KIAA0040: variants seen among roughly 807,000 people sequenced by gnomAD.
KIAA0040 encodes the protein KIAA0040, also known as uncharacterized protein KIAA0040.
KIAA0040 carries 10 observed loss-of-function variants against 7.2 expected under a neutral mutation model. The observed-to-expected ratio is 1.38, with a 90% CI of 0.85 to 2.34. The LOEUF is 2.34. Ranked by LOEUF, KIAA0040 falls within the 30% of genes most tolerant of loss-of-function variation. The pLI, the probability that KIAA0040 is intolerant of heterozygous loss-of-function variation, is 0.00. For synonymous variants in KIAA0040, 49 were observed against 40.1 expected, an observed-to-expected ratio of 1.22 and a Z score of -0.84; for missense variants, 89 against 108.2, an observed-to-expected ratio of 0.82 and a Z score of 0.79.
chr1:175,185,483 T>C (rs1291801418), intron 1 of KIAA0040, among the ~76,000 whole-genome samples: 1 of 152,248 alleles, frequency 6.6e-6, no homozygotes, highest in Non-Finnish European at 1.5e-5. Context: ...CGAGAGGTAG[T>C]ATTTAATATC....
rs192855255 is a variant in KIAA0040, at chr1:175,163,190, G to A, written c.-133-2044C>T. On this transcript the variant is annotated intron_variant, in intron 3 of 3. Coordinates refer to ENST00000423313, the MANE Select transcript of KIAA0040 (RefSeq NM_014656.3). ...TGTGGAATTAACCCATTTTTGGCAA[G>A]CAGCCCAGGATTTACAGAATCTTAC... Among the ~76,000 whole-genome samples the A allele has an allele frequency of 7.2e-5, 11 of 152,314 alleles. No individual in the cohort carries two copies. The East Asian group carries it at 1.9e-3, about 27-fold the overall frequency.
intron 2 of KIAA0040, among the ~76,000 whole-genome samples, chr1:175,176,669 C>CTGTTTTTTT: frequency 3.6e-5 from 1 of 27,438 alleles, no homozygotes; most frequent in Non-Finnish European, 8.2e-5. Flanking sequence ...AAGTAGCATG[C>CTGTTTTTTT]TTTTTTTTTT....
chr1:175,162,162 G>A (rs1676570257), intron 3 of KIAA0040, among the ~76,000 whole-genome samples: 2 of 152,136 alleles, frequency 1.3e-5, no homozygotes, highest in African/African-American at 4.8e-5. Context: ...TTCCATTCTG[G>A]AATTACAGGT....
At chr1:175,166,072 G>A (rs112865678) in intron 3 of KIAA0040, among the ~76,000 whole-genome samples, 1 of 152,088 alleles carries the variant, frequency 6.6e-6, no homozygotes, top group African/African-American at 2.4e-5. Flanking sequence ...CTTCTTGTAG[G>A]GGGAGGTGGG....
Position 175,160,358 on chromosome 1 carries a change from G to A in KIAA0040, c.*356C>T. On this transcript the variant is annotated 3_prime_UTR_variant, in exon 4 of 4. Coordinates refer to ENST00000423313, the MANE Select transcript of KIAA0040 (RefSeq NM_014656.3). ...CCACGTACCTGCTACCTGAATTTGT[G>A]TGTGTGTGTGTTACGTGCATGTGCA... 4.4e-6 allele frequency: 1 copy of A among 225,726 alleles called. No homozygotes were observed. The highest frequency in any genetic ancestry group is 9.8e-5 in the South Asian group (1 of 10,212). 14.0% of individuals were successfully genotyped at this position (225,726 alleles called of 1,614,324 possible).
intron 2 of KIAA0040, among the ~76,000 whole-genome samples, chr1:175,169,661 A>G (rs1316108826): frequency 6.6e-6 from 1 of 152,122 alleles, no homozygotes; most frequent in Non-Finnish European, 1.5e-5. Context: ...TCTTTTCTCT[A>G]GTTTTCCTGT....
At chr1:175,170,122 G>A (rs901349327) in intron 2 of KIAA0040, among the ~76,000 whole-genome samples, 2 of 152,150 alleles carry the variant, frequency 1.3e-5, no homozygotes, top group African/African-American at 2.4e-5. Context: ...CGTGCACAGC[G>A]CTAAGGGCAG....
chr1:175,161,259 G>A, intron 3 of KIAA0040, 113 bp from the exon 4 acceptor site: 1 of 406,926 alleles, frequency 2.5e-6, no homozygotes, highest in Non-Finnish European at 4.4e-6. Flanking sequence ...AGATTTCCAG[G>A]GTTCAGTAAA....
chr1:175,183,026 G>C (rs894057581), intron 1 of KIAA0040, among the ~76,000 whole-genome samples: 1 of 152,234 alleles, frequency 6.6e-6, no homozygotes, highest in Non-Finnish European at 1.5e-5. Context: ...GAATGCTCAG[G>C]CCTGTAAAAC....
At chr1:175,169,207 A>G (rs1676888045) in intron 2 of KIAA0040, among the ~76,000 whole-genome samples, 1 of 152,220 alleles carries the variant, frequency 6.6e-6, no homozygotes, top group Non-Finnish European at 1.5e-5. Context: ...TAATCCCTAG[A>G]ATGATTTGCT....
rs142883831 is a variant in KIAA0040, at chr1:175,165,170, G to A, written c.-134+1392C>T. Among the ~76,000 whole-genome samples, 393 of 152,070 alleles carry A rather than the reference G, an allele frequency of 2.6e-3. 3 individuals are homozygous for A. The highest frequency in any genetic ancestry group is 8.6e-3 in the African/African-American group (355 of 41,438). ...GAATCATTCATTCACTCTTTCTGTC[G>A]CAAACTTCTATCCACCCATGTATGA... is the stretch of plus-strand genomic sequence containing the variant. On this transcript the variant is annotated intron_variant, in intron 3 of 3. Coordinates refer to ENST00000423313, the MANE Select transcript of KIAA0040 (RefSeq NM_014656.3).
At chr1:175,188,159 T>A (rs1296990359) in intron 1 of KIAA0040, among the ~76,000 whole-genome samples, 1 of 152,170 alleles carries the variant, frequency 6.6e-6, no homozygotes, top group East Asian at 1.9e-4. Flanking sequence ...TGGGAGCAAG[T>A]CTCTTCCCAG....
chr1:175,161,010 C>A lies in KIAA0040; in HGVS notation c.4G>T (p.Glu2Ter). 6.5e-7 allele frequency: 1 copy of A among 1,549,672 alleles called. No individual in the cohort carries two copies. The highest frequency in any genetic ancestry group is 1.2e-5 in the South Asian group (1 of 83,738). The change falls in exon 4 of 4, where the codon GAG becomes TAG. Residue 2 changes from glutamate (E) to a stop codon, truncating the protein, a stop_gained. Coordinates refer to ENST00000423313, the MANE Select transcript of KIAA0040 (RefSeq NM_014656.3). LOFTEE classifies it high-confidence loss of function. ...GAGCTGAAGAAGGCACTGATTCTCTCCATGGTGCTTGGCTAGATTAGGGCC... is the reference window on the plus strand; with the variant it reads ...GAGCTGAAGAAGGCACTGATTCTCTACATGGTGCTTGGCTAGATTAGGGCC... M[E>*]RISAFFSSIW... is the part of the protein sequence containing the mutation.
intron 1 of KIAA0040, among the ~76,000 whole-genome samples, chr1:175,189,003 C>G (rs551975094): frequency 1.3e-5 from 2 of 152,158 alleles, no homozygotes; most frequent in East Asian, 1.9e-4. Context: ...CTCCATTAAC[C>G]AGCTCTGTGA....
At chr1:175,189,214 T>C (rs535942608) in intron 1 of KIAA0040, among the ~76,000 whole-genome samples, 7 of 152,330 alleles carry the variant, frequency 4.6e-5, no homozygotes, top group Admixed American at 3.3e-4. Context: ...TCCAACTTCA[T>C]GGGGTTGGAA....
At chr1:175,162,826 A>C (rs13374887) in intron 3 of KIAA0040, among the ~76,000 whole-genome samples, 2 of 152,108 alleles carry the variant, frequency 1.3e-5, no homozygotes, top group African/African-American at 4.8e-5. Flanking sequence ...ATTTACATAG[A>C]TTTTGCAAGC....
At chr1:175,178,247 C>G (rs187586071) in intron 1 of KIAA0040, among the ~76,000 whole-genome samples, 1 of 152,372 alleles carries the variant, frequency 6.6e-6, no homozygotes, top group African/African-American at 2.4e-5. Flanking sequence ...TGAGCAAGTT[C>G]TGACAAGCAC....
chr1:175,167,382 C>T (rs1484205797), intron 2 of KIAA0040, among the ~76,000 whole-genome samples: 1 of 152,110 alleles, frequency 6.6e-6, no homozygotes, highest in Non-Finnish European at 1.5e-5. Flanking sequence ...CAAACAATAC[C>T]TGTATTGTGC....
intron 1 of KIAA0040, among the ~76,000 whole-genome samples, chr1:175,188,046 T>C (rs1333062270): frequency 6.6e-6 from 1 of 152,202 alleles, no homozygotes; most frequent in Non-Finnish European, 1.5e-5. Flanking sequence ...CAGTGGCTTC[T>C]AAATACAATC....
Sources: gnomAD v4.1 joint callset for allele counts (sites outside exome capture counted in the v4.1 genomes callset) on GRCh38, gnomAD v4.1.1 for gene constraint, MANE v1.5 for transcripts, NCBI Gene and HGNC (gene_info 2026-07-23, HGNC 2026-07-21) for gene names.